HIVEP3: variants seen among roughly 807,000 people sequenced by gnomAD.
HIVEP3 encodes the protein HIVEP zinc finger 3.
Under a neutral mutation model 152.8 loss-of-function variants are expected in HIVEP3, and 49 were observed. The ratio of observed to expected loss-of-function variants is 0.32; its 90% CI spans 0.26 to 0.41. HIVEP3 has a LOEUF of 0.41. Among genes scored for constraint, HIVEP3 ranks in the 10% least tolerant of loss-of-function variants. The pLI, the probability that HIVEP3 is intolerant of heterozygous loss-of-function variation, is 1.00. For missense variants in HIVEP3, 2,790 were observed against 3,103.3 expected (o/e 0.90, Z 2.40); for synonymous variants, 1,269 against 1,289.0 (o/e 0.98, Z 0.33).
chr1:41,665,326 A>C (rs991313127), intron 2 of HIVEP3, among the ~76,000 whole-genome samples: 2 of 152,140 alleles, frequency 1.3e-5, no homozygotes, highest in African/African-American at 4.8e-5. Context: ...TGTATCTGAA[A>C]GGCAGGTGGT....
At chr1:41,779,921 G>T (rs906451896) in intron 1 of HIVEP3, among the ~76,000 whole-genome samples, 4 of 152,170 alleles carry the variant, frequency 2.6e-5, no homozygotes, top group Non-Finnish European at 5.9e-5. Context: ...TGTGTTCTTG[G>T]GCAACTAACT....
chr1:41,719,436 T>C (rs1185008331), intron 1 of HIVEP3, among the ~76,000 whole-genome samples: 1 of 152,226 alleles, frequency 6.6e-6, no homozygotes, highest in African/African-American at 2.4e-5. Flanking sequence ...AACTCATCTA[T>C]CTAAAACAAT....
At chr1:41,864,599 C>T (rs1460958071) in intron 1 of HIVEP3, 1 of 152,248 alleles carries the variant, frequency 6.6e-6, no homozygotes, top group South Asian at 2.1e-4. Context: ...CTCAGAGGGG[C>T]TCTGAGTCAT....
rs55918119 is a variant in HIVEP3 at position 41,655,582 on chromosome 1, C to CAAAA, written c.-720-26639_-720-26636dup. ...TGAGTGACAGAGTGACACTCCATCT[C>CAAAA]AAAAAAAAAAAAAAAAAAAAAAAAA... On this transcript the variant is annotated intron_variant, in intron 2 of 8. Coordinates refer to ENST00000372583, the MANE Select transcript of HIVEP3 (RefSeq NM_024503.5). Among the ~76,000 whole-genome samples, 145 of 57,362 alleles carry CAAAA rather than the reference C, an allele frequency of 2.5e-3. 1 individual carries two copies. The highest frequency in any genetic ancestry group is 5.5e-3 in the African/African-American group (80 of 14,678). 37.6% of individuals were successfully genotyped at this position (57,362 alleles called of 152,430 possible).
At chr1:41,825,664 AGT>A (rs926413067) in intron 1 of HIVEP3, among the ~76,000 whole-genome samples, 11 of 152,008 alleles carry the variant, frequency 7.2e-5, no homozygotes, top group African/African-American at 2.7e-4. Flanking sequence ...GGAGTGCGGT[AGT>A]GTGATCACAG....
intron 1 of HIVEP3, among the ~76,000 whole-genome samples, chr1:41,856,553 CGCACAT>C (rs1207386742): frequency 6.6e-6 from 1 of 152,178 alleles, no homozygotes; most frequent in Non-Finnish European, 1.5e-5. Flanking sequence ...AGCGGGCGTT[CGCACAT>C]GCACGTGCAC....
At chr1:41,987,903 T>C (rs1645333559) in intron 1 of HIVEP3, among the ~76,000 whole-genome samples, 2 of 151,940 alleles carry the variant, frequency 1.3e-5, no homozygotes, top group South Asian at 2.1e-4. Context: ...CTCACACTTA[T>C]CAAACAACCA....
intron 1 of HIVEP3, among the ~76,000 whole-genome samples, chr1:41,751,710 G>A (rs1353998495): frequency 6.6e-6 from 1 of 152,144 alleles, no homozygotes; most frequent in African/African-American, 2.4e-5. Context: ...GGTGGGCAAG[G>A]GACCATGAAA....
At chr1:41,809,805 G>A (rs1239821712) in intron 1 of HIVEP3, among the ~76,000 whole-genome samples, 1 of 152,180 alleles carries the variant, frequency 6.6e-6, no homozygotes, top group African/African-American at 2.4e-5. Flanking sequence ...AATGGGAGGA[G>A]GGTTCAGATG....
chr1:41,814,176 C>T (rs543906638), intron 1 of HIVEP3, among the ~76,000 whole-genome samples: 2 of 152,290 alleles, frequency 1.3e-5, no homozygotes, highest in South Asian at 4.2e-4. Context: ...GAAATTCAAG[C>T]CCCAGTACGT....
At position 41,528,288 on chromosome 1, in the gene HIVEP3, CCACACTCACCCT is replaced by C. The variant is rs1211763434; in HGVS notation, c.5208-3390_5208-3379del. Reference sequence around the variant, plus strand: ...CCCTCACACACCCTCACATACACCCCCACACTCACCCTCACACTCACCTTCACACTCCACACC... The same window carrying C: ...CCCTCACACACCCTCACATACACCCCCACACTCACCTTCACACTCCACACC... On this transcript the variant is annotated intron_variant, in intron 5 of 8. Coordinates refer to ENST00000372583, the MANE Select transcript of HIVEP3 (RefSeq NM_024503.5). Among the ~76,000 whole-genome samples the C allele has an allele frequency of 2.4e-5, 3 of 126,920 alleles. No individual in the cohort carries two copies. The East Asian group carries it at 7.6e-4, about 32-fold the overall frequency. 83.3% of individuals were successfully genotyped at this position (126,920 alleles called of 152,430 possible).
upstream of HIVEP3, among the ~76,000 whole-genome samples, chr1:41,919,135 TTA>T (rs370753363): frequency 5.9e-5 from 9 of 151,792 alleles, no homozygotes; most frequent in Admixed American, 3.9e-4. Context: ...TGCACACATA[TTA>T]TATATATATA....
intron 1 of HIVEP3, among the ~76,000 whole-genome samples, chr1:42,032,839 C>G (rs1453056764): frequency 1.3e-5 from 2 of 152,144 alleles, no homozygotes; most frequent in African/African-American, 4.8e-5. Flanking sequence ...ACTGGTCTCC[C>G]GGATTTGGCC....
At chr1:41,627,169 G>A (rs1645129289) in intron 3 of HIVEP3, among the ~76,000 whole-genome samples, 1 of 152,210 alleles carries the variant, frequency 6.6e-6, no homozygotes, top group African/African-American at 2.4e-5. Context: ...TGGCCCAACT[G>A]CCCACACACG....
intron 1 of HIVEP3, among the ~76,000 whole-genome samples, chr1:41,774,861 C>T (rs1317041609): frequency 2.0e-5 from 3 of 151,540 alleles, no homozygotes; most frequent in Non-Finnish European, 4.4e-5. Context: ...AGTGGCATGA[C>T]CTTGGCTCAC....
chr1:42,021,621 G>A (rs893877117), intron 1 of HIVEP3, among the ~76,000 whole-genome samples: 5 of 152,216 alleles, frequency 3.3e-5, no homozygotes, highest in Middle Eastern at 3.4e-3. Flanking sequence ...AAACTTAGGA[G>A]TCATGTGCAA....
chr1:41,892,768 C>T (rs546059078), intron 1 of HIVEP3, among the ~76,000 whole-genome samples: 15 of 152,230 alleles, frequency 9.9e-5, no homozygotes, highest in Admixed American at 9.2e-4. Flanking sequence ...GCCACATAGC[C>T]TGGCCCACCT....
chr1:41,900,152 G>A (rs1462943968), intron 1 of HIVEP3, among the ~76,000 whole-genome samples: 2 of 152,164 alleles, frequency 1.3e-5, no homozygotes, highest in African/African-American at 4.8e-5. Flanking sequence ...CCATGGGCAG[G>A]GTTTCCTGGC....
intron 5 of HIVEP3, chr1:41,543,600 G>C (rs1643585628): frequency 6.6e-6 from 1 of 152,304 alleles, no homozygotes; most frequent in African/African-American, 2.4e-5. Context: ...CATAGCTCCA[G>C]GGGGTGAGCA....
Sources: allele counts gnomAD v4.1 joint callset (sites outside exome capture counted in the v4.1 genomes callset), GRCh38; gene constraint gnomAD v4.1.1; transcripts MANE v1.5; gene names NCBI Gene and HGNC (gene_info 2026-07-23, HGNC 2026-07-21).